UVRAG: variants seen among roughly 807,000 people sequenced by gnomAD.
UVRAG encodes the protein UV radiation resistance-associated gene protein.
In UVRAG, 19 loss-of-function variants were observed where a neutral mutation model predicts 78.0. The observed-to-expected ratio is 0.24, with a 90% CI of 0.17 to 0.36. The LOEUF is 0.36. UVRAG is among the 10% of genes least tolerant of loss of function. The pLI is 1.00. For synonymous variants in UVRAG, 323 were observed against 324.6 expected (o/e 1.00, Z 0.05); for missense variants, 740 against 853.8 (o/e 0.87, Z 1.66).
intron 12 of UVRAG, among the ~76,000 whole-genome samples, chr11:76,042,768 T>G (rs758480421): frequency 1.3e-5 from 2 of 152,252 alleles, no homozygotes; most frequent in Non-Finnish European, 2.9e-5. Context: ...TGCCCTTACC[T>G]ATCTGTATGT....
At chr11:75,881,118 G>T (rs1402469792) in intron 4 of UVRAG, among the ~76,000 whole-genome samples, 1 of 151,586 alleles carries the variant, frequency 6.6e-6, no homozygotes, top group Non-Finnish European at 1.5e-5. Context: ...ACAGGCAGGC[G>T]CCATCATGCC....
intron 13 of UVRAG, among the ~76,000 whole-genome samples, chr11:76,087,686 T>G (rs545650508): frequency 2.0e-5 from 3 of 152,296 alleles, no homozygotes; most frequent in African/African-American, 7.2e-5. Context: ...TGTGTATTAT[T>G]TCCTTTGATC....
intron 13 of UVRAG, among the ~76,000 whole-genome samples, chr11:76,108,263 C>T (rs937395520): frequency 1.3e-5 from 2 of 151,974 alleles, no homozygotes; most frequent in South Asian, 2.1e-4. Context: ...TCCTGAATCC[C>T]CAGAGGCTTT....
intron 3 of UVRAG, among the ~76,000 whole-genome samples, chr11:75,875,011 T>G (rs148753691): frequency 6.6e-6 from 1 of 152,356 alleles, no homozygotes; most frequent in Non-Finnish European, 1.5e-5. Context: ...TACTCCTATG[T>G]CTGCATAGCT....
At chr11:76,103,345 A>AG (rs1951911494) in intron 13 of UVRAG, among the ~76,000 whole-genome samples, 1 of 152,134 alleles carries the variant, frequency 6.6e-6, no homozygotes, top group African/African-American at 2.4e-5. Flanking sequence ...CTGTATGAGG[A>AG]GGTAACCTCC....
chr11:76,132,109 T>A (rs1565174111), intron 14 of UVRAG, among the ~76,000 whole-genome samples: 1 of 152,234 alleles, frequency 6.6e-6, no homozygotes, highest in Non-Finnish European at 1.5e-5. Context: ...CAGTAATCTT[T>A]AAGAAGGTGA....
intron 12 of UVRAG, among the ~76,000 whole-genome samples, chr11:76,023,844 A>AT (rs1383727366): frequency 5.9e-5 from 9 of 151,738 alleles, no homozygotes; most frequent in Admixed American, 2.0e-4. Flanking sequence ...ATTTTTCTTG[A>AT]TTTTTTCTTT....
intron 6 of UVRAG, among the ~76,000 whole-genome samples, chr11:75,958,086 C>T (rs1373796456): frequency 1.3e-5 from 2 of 152,198 alleles, no homozygotes; most frequent in South Asian, 4.1e-4. Context: ...TAACGATCAT[C>T]TGAACCTTCA....
chr11:76,086,557 T>A lies in UVRAG; in HGVS notation c.1305+20769T>A, dbSNP rs112781453. On this transcript the variant is annotated intron_variant, in intron 13 of 14. Transcript: ENST00000356136. ...TAACATGATGTAGTAGACTAGGAAC[T>A]TCTAGTTTTGCTTTCATACTTTTAA... 6.9e-3 allele frequency among the ~76,000 whole-genome samples: 1,058 copies of A among 152,332 alleles called. 17 individuals are homozygous for A. The highest frequency in any genetic ancestry group is 0.024 in the African/African-American group (1,013 of 41,582).
rs1287499096 is a variant in UVRAG, at chr11:76,143,966, TTTGA to T, written c.*2557_*2560del. The stretch of plus-strand genomic sequence containing the variant: ...GCGGGCAAATGTTATCAAATGAATA[TTTGA>T]TTGTGTTTTTTCTCTTCACTTCCCC... On this transcript the variant is annotated 3_prime_UTR_variant, in exon 15 of 15. Coordinates refer to ENST00000356136, the MANE Select transcript of UVRAG (RefSeq NM_003369.4). 1.3e-5 allele frequency among the ~76,000 whole-genome samples: 2 copies of T among 152,210 alleles called. No homozygotes were observed. The highest frequency in any genetic ancestry group is 2.4e-5 in the African/African-American group (1 of 41,452).
At chr11:76,052,292 C>T (rs886606753) in intron 12 of UVRAG, among the ~76,000 whole-genome samples, 3 of 152,188 alleles carry the variant, frequency 2.0e-5, no homozygotes, top group Admixed American at 1.3e-4. Context: ...TTCATCCCCC[C>T]GGTTATGATG....
At chr11:75,893,201 A>G (rs1397045718) in intron 5 of UVRAG, among the ~76,000 whole-genome samples, 1 of 151,882 alleles carries the variant, frequency 6.6e-6, no homozygotes, top group East Asian at 1.9e-4. Context: ...AAAAAGAAGA[A>G]TTATTCCTTC....
intron 14 of UVRAG, among the ~76,000 whole-genome samples, chr11:76,123,433 G>A (rs1952327036): frequency 2.0e-5 from 3 of 152,208 alleles, no homozygotes; most frequent in Admixed American, 1.3e-4. Flanking sequence ...AAGGAAGCAC[G>A]TGGGTCGGGT....
chr11:76,116,171 C>A (rs968281701), intron 14 of UVRAG, among the ~76,000 whole-genome samples, 156 bp downstream of exon 14: 1 of 152,164 alleles, frequency 6.6e-6, no homozygotes, highest in Admixed American at 6.5e-5. Flanking sequence ...TTGGGGAGAT[C>A]TAAGCTCCCG....
intron 13 of UVRAG, among the ~76,000 whole-genome samples, chr11:76,105,807 A>G (rs1951958051): frequency 6.6e-6 from 1 of 152,212 alleles, no homozygotes; most frequent in African/African-American, 2.4e-5. Flanking sequence ...TACAACTGCT[A>G]GAATGGCTAA....
chr11:76,024,836 A>G (rs1340183897), intron 12 of UVRAG, among the ~76,000 whole-genome samples: 5 of 152,076 alleles, frequency 3.3e-5, no homozygotes, highest in Admixed American at 6.6e-5. Flanking sequence ...CTTGTTTTCA[A>G]TTTTGATGTA....
intron 3 of UVRAG, among the ~76,000 whole-genome samples, chr11:75,875,514 C>A (rs1565357121): frequency 6.7e-6 from 1 of 148,268 alleles, no homozygotes; most frequent in East Asian, 2.0e-4. Context: ...CTACTTATCT[C>A]TTTAAATAAT....
intron 3 of UVRAG, among the ~76,000 whole-genome samples, chr11:75,875,577 C>T (rs542072291): frequency 1.0e-4 from 15 of 148,968 alleles, no homozygotes; most frequent in Admixed American, 4.7e-4. Flanking sequence ...TTGCTAAATG[C>T]GTATCAGATC....
At chr11:75,894,777 A>G (rs1213045701) in intron 5 of UVRAG, among the ~76,000 whole-genome samples, 1 of 150,256 alleles carries the variant, frequency 6.7e-6, no homozygotes, top group Non-Finnish European at 1.5e-5. Flanking sequence ...CAGCCTGGGC[A>G]ACAAAGTGAG....
Sources: allele counts gnomAD v4.1 joint callset (sites outside exome capture counted in the v4.1 genomes callset), GRCh38; gene constraint gnomAD v4.1.1; transcripts MANE v1.5; gene names NCBI Gene and HGNC (gene_info 2026-07-23, HGNC 2026-07-21).